Variants in BNC2 observed in about 807,000 individuals in gnomAD.
BNC2 encodes zinc finger protein basonuclin-2.
Under a neutral mutation model 76.3 loss-of-function variants are expected in BNC2, and 20 were observed. The ratio of observed to expected loss-of-function variants is 0.26; its 90% CI spans 0.18 to 0.38. The LOEUF (loss-of-function observed/expected upper bound fraction) is 0.38, where lower values mean the gene tolerates loss of function less well. Among genes scored for constraint, BNC2 ranks in the 10% least tolerant of loss-of-function variants. The pLI, the probability that BNC2 is intolerant of heterozygous loss-of-function variation, is 1.00. For missense variants in BNC2, 1,382 were observed against 1,399.8 expected, an observed-to-expected ratio of 0.99 and a Z score of 0.20; for synonymous variants, 582 against 514.8, an observed-to-expected ratio of 1.13 and a Z score of -1.77.
At chr9:16,461,380 C>T (rs1342619601) in intron 5 of BNC2, among the ~76,000 whole-genome samples, 2 of 152,122 alleles carry the variant, frequency 1.3e-5, no homozygotes, top group Non-Finnish European at 2.9e-5. Flanking sequence ...ACAGAACTTC[C>T]TTCACAGAAC....
chr9:16,444,984 C>G (rs1196166101), intron 5 of BNC2, among the ~76,000 whole-genome samples: 1 of 152,104 alleles, frequency 6.6e-6, no homozygotes, highest in Non-Finnish European at 1.5e-5. Flanking sequence ...ATTTATAAGA[C>G]TTGGCTTTCC....
At chr9:16,489,755 T>C (rs1470540717) in intron 5 of BNC2, among the ~76,000 whole-genome samples, 2 of 152,170 alleles carry the variant, frequency 1.3e-5, no homozygotes, top group African/African-American at 4.8e-5. Context: ...ATTTGAGTGT[T>C]ACATAACGGG....
At chr9:16,493,949 T>C (rs1452787244) in intron 5 of BNC2, among the ~76,000 whole-genome samples, 1 of 151,820 alleles carries the variant, frequency 6.6e-6, no homozygotes, top group African/African-American at 2.4e-5. Flanking sequence ...CACACGAGGG[T>C]AGAGAGGCAG....
intron 5 of BNC2, among the ~76,000 whole-genome samples, chr9:16,515,681 C>A (rs1822860509): frequency 1.4e-5 from 2 of 146,334 alleles, no homozygotes; most frequent in Admixed American, 6.9e-5. Flanking sequence ...GATGTCTCTG[C>A]AGTGAGTTCA....
intron 1 of BNC2, among the ~76,000 whole-genome samples, chr9:16,788,153 C>T (rs1178493500): frequency 6.6e-6 from 1 of 152,170 alleles, no homozygotes; most frequent in Non-Finnish European, 1.5e-5. Flanking sequence ...CTTCCAGTTC[C>T]ACGGACCAAG....
intron 5 of BNC2, among the ~76,000 whole-genome samples, chr9:16,505,723 G>A (rs1822609902): frequency 6.6e-6 from 1 of 152,074 alleles, no homozygotes; most frequent in African/African-American, 2.4e-5. Flanking sequence ...ATCATATATA[G>A]TTCCCTCTCC....
chr9:16,516,651 GCTT>G (rs886301774), intron 5 of BNC2, among the ~76,000 whole-genome samples: 34 of 152,136 alleles, frequency 2.2e-4, no homozygotes, highest in East Asian at 7.7e-4. Flanking sequence ...TTAAATGTGT[GCTT>G]CTTTTTTTTT....
chr9:16,803,372 C>T (rs1368920881), intron 1 of BNC2, among the ~76,000 whole-genome samples: 1 of 152,092 alleles, frequency 6.6e-6, no homozygotes, highest in African/African-American at 2.4e-5. Context: ...ACCTCTGCCC[C>T]AAAAAGAGCA....
chr9:16,416,279 C>G lies in BNC2; in HGVS notation c.*2710G>C, dbSNP rs1391890493. ...TAAAACTACATGTAGTCTATGCACACTGCAAAAGCCAGAGTTTCTATAATG... is the reference window on the plus strand; with the variant it reads ...TAAAACTACATGTAGTCTATGCACAGTGCAAAAGCCAGAGTTTCTATAATG... On this transcript the variant is annotated 3_prime_UTR_variant, in exon 7 of 7. Transcript: ENST00000380672. 1 of 152,604 alleles carries G rather than the reference C, an allele frequency of 6.6e-6. No individual in the cohort carries two copies. The highest frequency in any genetic ancestry group is 2.4e-5 in the African/African-American group (1 of 41,444). The allele number at this position is 152,604 out of a possible 1,614,324, so 9.5% of individuals were successfully genotyped here.
chr9:16,869,803 C>T (rs908059325), intron 1 of BNC2, among the ~76,000 whole-genome samples: 8 of 152,148 alleles, frequency 5.3e-5, no homozygotes, highest in East Asian at 1.9e-4. Context: ...GCAAAGCCAG[C>T]CCATCTCCTC....
chr9:16,770,993 A>G (rs1825818712), intron 1 of BNC2, among the ~76,000 whole-genome samples: 1 of 152,156 alleles, frequency 6.6e-6, no homozygotes, highest in African/African-American at 2.4e-5. Context: ...CAACATGGCG[A>G]AACCCCTCTC....
At position 16,848,603 on chromosome 9, in the gene BNC2, G is replaced by T. The variant is rs559946202; in HGVS notation, c.3+22043C>A. On this transcript the variant is annotated intron_variant, in intron 1 of 6. Coordinates refer to ENST00000380672, the MANE Select transcript of BNC2 (RefSeq NM_017637.6). Reference sequence around the variant, plus strand: ...GCAGAACTTTACACCTGAAAACAAGGCCTGCTAAGGACCCTCTCTACCTTC... The same window carrying T: ...GCAGAACTTTACACCTGAAAACAAGTCCTGCTAAGGACCCTCTCTACCTTC... Among the ~76,000 whole-genome samples the T allele has an allele frequency of 2.6e-5, 4 of 152,208 alleles. No homozygotes were observed. In the South Asian group the frequency reaches 8.3e-4, roughly 32 times the overall value.
At chr9:16,647,347 G>A (rs1006333032) in intron 3 of BNC2, among the ~76,000 whole-genome samples, 7 of 151,944 alleles carry the variant, frequency 4.6e-5, no homozygotes, top group Non-Finnish European at 1.0e-4. Flanking sequence ...TGTGTGGTAC[G>A]GGTGGGGGCC....
chr9:16,630,709 A>G (rs1404994029), intron 3 of BNC2, among the ~76,000 whole-genome samples: 2 of 150,650 alleles, frequency 1.3e-5, no homozygotes, highest in African/African-American at 4.9e-5. Flanking sequence ...CAGTAGTTAC[A>G]CTGCAAAACC....
chr9:16,434,862 G>A (rs1366347726), intron 6 of BNC2: 1 of 458,622 alleles, frequency 2.2e-6, no homozygotes, highest in African/African-American at 2.0e-5. Context: ...ATAGTTTAGA[G>A]ATGTGCTCAA....
chr9:16,623,276 A>T (rs2133613378), intron 3 of BNC2, among the ~76,000 whole-genome samples: 1 of 152,302 alleles, frequency 6.6e-6, no homozygotes, highest in Admixed American at 6.5e-5. Flanking sequence ...GGACTTAAAA[A>T]CTAGGAGAGA....
At chr9:16,538,851 G>T (rs1463660170) in intron 5 of BNC2, among the ~76,000 whole-genome samples, 2 of 152,198 alleles carry the variant, frequency 1.3e-5, no homozygotes, top group Non-Finnish European at 2.9e-5. Context: ...TAAATTGGTA[G>T]TATGTCCAAA....
At chr9:16,440,967 G>A (rs888765797) in intron 5 of BNC2, among the ~76,000 whole-genome samples, 1 of 152,126 alleles carries the variant, frequency 6.6e-6, no homozygotes, top group Admixed American at 6.6e-5. Context: ...CTTAAGAACG[G>A]GACACATAGC....
At position 16,590,127 on chromosome 9, in the gene BNC2, C is replaced by T. The variant is rs543937607; in HGVS notation, c.331-7042G>A. On this transcript the variant is annotated intron_variant, in intron 3 of 6. Coordinates refer to ENST00000380672, the MANE Select transcript of BNC2 (RefSeq NM_017637.6). Reference sequence around the variant, plus strand: ...TATAAAAATTAGCCAGTATGTACAGCGGTAAAAGAAAATGCATCACAATAA... The same window carrying T: ...TATAAAAATTAGCCAGTATGTACAGTGGTAAAAGAAAATGCATCACAATAA... 6.2e-4 allele frequency among the ~76,000 whole-genome samples: 94 copies of T among 151,832 alleles called. 1 individual carries two copies. Among genetic ancestry groups the T allele is most frequent in the Middle Eastern group, 6.8e-3 (2 of 294 alleles).
Sources: gnomAD v4.1 joint callset for allele counts (sites outside exome capture counted in the v4.1 genomes callset) on GRCh38, gnomAD v4.1.1 for gene constraint, MANE v1.5 for transcripts, NCBI Gene and HGNC (gene_info 2026-07-23, HGNC 2026-07-21) for gene names.